Variants in SCAI observed in about 807,000 individuals in gnomAD.
SCAI encodes suppressor of cancer cell invasion.
In SCAI, 24 loss-of-function variants were observed where a neutral mutation model predicts 92.2. The observed-to-expected ratio is 0.26, with a 90% CI of 0.19 to 0.37. SCAI has a LOEUF of 0.37. Among genes scored for constraint, SCAI ranks in the 10% least tolerant of loss-of-function variants. The probability of loss-of-function intolerance (pLI) is 1.00; values close to 1 mark genes in which losing one functional copy is unlikely to be tolerated. For synonymous variants in SCAI, 261 were observed against 258.6 expected (o/e 1.01, Z -0.09); for missense variants, 450 against 736.2 (o/e 0.61, Z 4.50).
intron 14 of SCAI, among the ~76,000 whole-genome samples, chr9:124,993,889 G>A (rs1832184833): frequency 6.6e-6 from 1 of 152,112 alleles, no homozygotes; most frequent in South Asian, 2.1e-4. Context: ...TGGCAGATCT[G>A]TGCACCCAGA....
At chr9:124,967,176 G>A (rs866521351) in intron 17 of SCAI, among the ~76,000 whole-genome samples, 2 of 152,168 alleles carry the variant, frequency 1.3e-5, no homozygotes, top group Non-Finnish European at 2.9e-5. Flanking sequence ...AAGGACGGCT[G>A]TAATTTTAAC....
chr9:124,979,786 A>G (rs1161973140), intron 14 of SCAI, among the ~76,000 whole-genome samples: 3 of 152,170 alleles, frequency 2.0e-5, no homozygotes, highest in Non-Finnish European at 4.4e-5. Context: ...GCGGTGGCTC[A>G]CGCCTGTAAT....
chr9:125,114,157 A>G (rs182728595), intron 2 of SCAI, among the ~76,000 whole-genome samples: 1 of 152,220 alleles, frequency 6.6e-6, no homozygotes, highest in Admixed American at 6.5e-5. Context: ...TATGCAAACT[A>G]CAAGTTCTAG....
intron 3 of SCAI, 118 bp from the exon 4 acceptor site, chr9:125,029,857 A>T (rs566916366): frequency 2.4e-5 from 13 of 540,292 alleles, no homozygotes; most frequent in African/African-American, 1.2e-4. Context: ...TTTCTTTTTT[A>T]AAAAAGTTAC....
At chr9:125,141,651 G>C (rs1432111693) in intron 2 of SCAI, among the ~76,000 whole-genome samples, 1 of 152,198 alleles carries the variant, frequency 6.6e-6, no homozygotes, top group Non-Finnish European at 1.5e-5. Flanking sequence ...AAAGCAATAA[G>C]AAAACCTACT....
intron 2 of SCAI, among the ~76,000 whole-genome samples, chr9:125,059,889 C>T (rs534961081): frequency 6.6e-6 from 1 of 152,194 alleles, no homozygotes; most frequent in African/African-American, 2.4e-5. Flanking sequence ...TACTCTTATA[C>T]AGCATCATGA....
intron 3 of SCAI, among the ~76,000 whole-genome samples, chr9:125,033,966 A>G (rs1317133809): frequency 6.6e-6 from 1 of 152,232 alleles, no homozygotes; most frequent in African/African-American, 2.4e-5. Context: ...CCCACCAATC[A>G]AAATCCTGGC....
At chr9:125,018,576 T>A (rs1832809165) in intron 9 of SCAI, among the ~76,000 whole-genome samples, 1 of 152,240 alleles carries the variant, frequency 6.6e-6, no homozygotes, top group South Asian at 2.1e-4. Context: ...ATGGCAAGTT[T>A]ATTTTCATTT....
intron 14 of SCAI, among the ~76,000 whole-genome samples, chr9:124,991,506 C>T (rs2131616231): frequency 6.6e-6 from 1 of 151,806 alleles, no homozygotes; most frequent in South Asian, 2.1e-4. Flanking sequence ...GAAAATACTC[C>T]AGAAATAATA....
chr9:124,962,917 G>T (rs758800344), intron 17 of SCAI, among the ~76,000 whole-genome samples: 1 of 151,166 alleles, frequency 6.6e-6, no homozygotes, highest in Non-Finnish European at 1.5e-5. Context: ...TCGTGTCTCA[G>T]CCTCCTGAGT....
intron 2 of SCAI, among the ~76,000 whole-genome samples, chr9:125,131,570 C>T (rs1024413966): frequency 6.6e-6 from 1 of 152,052 alleles, no homozygotes; most frequent in African/African-American, 2.4e-5. Context: ...TTTTGAATGC[C>T]CTTGAAAATC....
At chr9:125,070,786 T>G (rs1833966427) in intron 2 of SCAI, among the ~76,000 whole-genome samples, 1 of 152,190 alleles carries the variant, frequency 6.6e-6, no homozygotes, top group Admixed American at 6.5e-5. Flanking sequence ...ATCTCATGCC[T>G]GTAATCCCAA....
chr9:124,968,928 T>G, intron 17 of SCAI: 4 of 414,668 alleles, frequency 9.6e-6, no homozygotes, highest in East Asian at 4.2e-5. Flanking sequence ...CCAAAATTTT[T>G]CCAATTTATT....
chr9:125,138,841 G>A (rs767441111), intron 2 of SCAI, among the ~76,000 whole-genome samples: 1 of 152,160 alleles, frequency 6.6e-6, no homozygotes, highest in Non-Finnish European at 1.5e-5. Context: ...GAGCCACCAC[G>A]CCAGCAGAAC....
chr9:125,045,129 A>G (rs1171716330), intron 3 of SCAI, among the ~76,000 whole-genome samples: 2 of 152,186 alleles, frequency 1.3e-5, no homozygotes, highest in African/African-American at 4.8e-5. Flanking sequence ...AGCCCAAGCA[A>G]AACTCGGGCA....
At chr9:125,000,065 CTG>C (rs1832324740) in intron 12 of SCAI, 75 bp from the exon 13 acceptor site, 2 of 602,604 alleles carry the variant, frequency 3.3e-6, no homozygotes, top group African/African-American at 3.9e-5. Flanking sequence ...TACAAAGGTA[CTG>C]TGTGAATCTC....
intron 2 of SCAI, among the ~76,000 whole-genome samples, chr9:125,107,907 G>A (rs1303688181): frequency 6.6e-6 from 1 of 152,060 alleles, no homozygotes; most frequent in African/African-American, 2.4e-5. Context: ...TACTGCTGCC[G>A]TCTCCACTCA....
At chr9:124,967,641 A>C (rs1404338273) in intron 17 of SCAI, among the ~76,000 whole-genome samples, 1 of 151,752 alleles carries the variant, frequency 6.6e-6, no homozygotes. Flanking sequence ...TAACCCTTAA[A>C]ATGAAAAAAT....
chr9:124,971,714 G>C lies in SCAI; in HGVS notation c.1530C>G (p.Ile510Met), dbSNP rs1454797965. ...TCAGTAGCTGGGCAATATCACGGTT[G>C]ATTTTTCGAAGATATTCTTGACACT... ...WEKCQEYLRK[I>M]NRDIAQLLTH... Residue 510 changes from isoleucine (I) to methionine (M), a missense_variant, in exon 16 of 18, where the codon ATC becomes ATG. This residue lies in a region of SCAI where 360 missense variants were observed against 601.8 expected (regional missense o/e 0.60). Coordinates refer to ENST00000336505, the MANE Select transcript of SCAI (RefSeq NM_001144877.3). 1.2e-6 allele frequency: 2 copies of C among 1,611,108 alleles called. No individual in the cohort carries two copies. The highest frequency in any genetic ancestry group is 2.2e-5 in the South Asian group (2 of 90,316).
Sources: allele counts gnomAD v4.1 joint callset (sites outside exome capture counted in the v4.1 genomes callset), GRCh38; gene constraint gnomAD v4.1.1; regional missense constraint gnomAD v4.1.1; transcripts MANE v1.5; gene names NCBI Gene and HGNC (gene_info 2026-07-23, HGNC 2026-07-21).